Variants in KCNH7 observed in about 807,000 individuals in gnomAD.
KCNH7 encodes the protein potassium voltage-gated channel subfamily H member 7.
A neutral mutation model predicts 120.8 loss-of-function variants in KCNH7; 49 were observed. That is an observed-to-expected ratio of 0.41 (90% CI 0.32 to 0.51). KCNH7 has a LOEUF of 0.51. KCNH7 is among the 20% of genes least tolerant of loss of function. The pLI is 0.38. For synonymous variants in KCNH7, 547 were observed against 516.1 expected (o/e 1.06, Z -0.81); for missense variants, 1,097 against 1,446.6 (o/e 0.76, Z 3.92).
chr2:162,663,171 T>C (rs1285197934), intron 2 of KCNH7, among the ~76,000 whole-genome samples: 4 of 152,234 alleles, frequency 2.6e-5, no homozygotes, highest in Non-Finnish European at 5.9e-5. Flanking sequence ...TGCATTATTG[T>C]GAAGTGACAA....
At chr2:162,602,536 G>A (rs148574215) in intron 2 of KCNH7, among the ~76,000 whole-genome samples, 18 of 152,020 alleles carry the variant, frequency 1.2e-4, no homozygotes, top group South Asian at 2.1e-4. Context: ...CAAGTCCATC[G>A]CTGCCATCAC....
At chr2:162,616,726 G>A (rs1398286187) in intron 2 of KCNH7, among the ~76,000 whole-genome samples, 1 of 152,170 alleles carries the variant, frequency 6.6e-6, no homozygotes, top group Non-Finnish European at 1.5e-5. Context: ...AGTCATTAGA[G>A]TTTGCTTCCA....
intron 2 of KCNH7, among the ~76,000 whole-genome samples, chr2:162,545,092 A>G (rs1692433896): frequency 6.6e-6 from 1 of 152,056 alleles, no homozygotes; most frequent in African/African-American, 2.4e-5. Context: ...TTGAACTGAG[A>G]CCTGTCCTGC....
At chr2:162,487,525 C>A (rs183030421) in intron 6 of KCNH7, among the ~76,000 whole-genome samples, 11 of 152,070 alleles carry the variant, frequency 7.2e-5, no homozygotes, top group Admixed American at 6.6e-4. Flanking sequence ...TTCCATTGAT[C>A]AGGAAATTTT....
rs534441438 is a variant in KCNH7, at chr2:162,599,034, T to A, written c.308-61954A>T. ...ACTTTGGGAGGCCAAGGCGGGTGGA[T>A]CACTTGAGGTCAGGAGTTCAAGACC... On this transcript the variant is annotated intron_variant, in intron 2 of 15. Coordinates refer to ENST00000332142, the MANE Select transcript of KCNH7 (RefSeq NM_033272.4). 8.5e-5 allele frequency among the ~76,000 whole-genome samples: 13 copies of A among 152,082 alleles called. No individual in the cohort carries two copies. The South Asian group carries it at 1.5e-3, about 17-fold the overall frequency.
intron 2 of KCNH7, among the ~76,000 whole-genome samples, chr2:162,582,547 T>G (rs1693909174): frequency 6.6e-6 from 1 of 152,102 alleles, no homozygotes; most frequent in African/African-American, 2.4e-5. Flanking sequence ...CAATCTAATT[T>G]TTCATGACTC....
intron 2 of KCNH7, among the ~76,000 whole-genome samples, chr2:162,691,195 G>C (rs942676000): frequency 1.3e-5 from 2 of 152,150 alleles, no homozygotes; most frequent in African/African-American, 4.8e-5. Flanking sequence ...AAAGCATGTT[G>C]ATATGCCAAA....
chr2:162,396,119 A>G (rs1686906737), intron 11 of KCNH7, among the ~76,000 whole-genome samples: 2 of 151,786 alleles, frequency 1.3e-5, no homozygotes, highest in Non-Finnish European at 2.9e-5. Context: ...GAAAAGAGTA[A>G]GGAACATAAG....
intron 2 of KCNH7, among the ~76,000 whole-genome samples, chr2:162,637,473 G>A (rs934437626): frequency 1.3e-5 from 2 of 152,042 alleles, no homozygotes; most frequent in Non-Finnish European, 2.9e-5. Flanking sequence ...TGATATATTA[G>A]TCAAAGGATA....
At chr2:162,477,694 A>T (rs1024619180) in intron 6 of KCNH7, among the ~76,000 whole-genome samples, 3 of 152,204 alleles carry the variant, frequency 2.0e-5, no homozygotes, top group Non-Finnish European at 4.4e-5. Flanking sequence ...ATGAAATACT[A>T]TTCCCCTCTT....
At chr2:162,746,871 AG>A (rs1481032504) in intron 2 of KCNH7, among the ~76,000 whole-genome samples, 1 of 152,150 alleles carries the variant, frequency 6.6e-6, no homozygotes, top group African/African-American at 2.4e-5. Context: ...GAAATAAAAG[AG>A]GAAAAAAACC....
intron 2 of KCNH7, among the ~76,000 whole-genome samples, chr2:162,539,010 T>C (rs1253135732): frequency 6.6e-6 from 1 of 152,122 alleles, no homozygotes; most frequent in African/African-American, 2.4e-5. Flanking sequence ...TGTTGGAAAA[T>C]ATGCCTTAGG....
intron 2 of KCNH7, among the ~76,000 whole-genome samples, chr2:162,580,743 T>C (rs1472238389): frequency 6.6e-6 from 1 of 151,996 alleles, no homozygotes; most frequent in Non-Finnish European, 1.5e-5. Flanking sequence ...CTGGAGAACC[T>C]CTTTTAGCAG....
chr2:162,505,472 C>G (rs1574040100), intron 5 of KCNH7, among the ~76,000 whole-genome samples: 1 of 151,862 alleles, frequency 6.6e-6, no homozygotes, highest in African/African-American at 2.4e-5. Context: ...AGTACCTAGT[C>G]GCTTCTCAAA....
intron 5 of KCNH7, 55 bp from the exon 6 acceptor site, chr2:162,504,712 GAC>G (rs1690810584): frequency 8.6e-7 from 1 of 1,159,242 alleles, no homozygotes; most frequent in African/African-American, 1.5e-5. Flanking sequence ...AGAAGAAAGA[GAC>G]AGTTCTGAAT....
chr2:162,605,240 G>A (rs1232957049), intron 2 of KCNH7, among the ~76,000 whole-genome samples: 1 of 152,084 alleles, frequency 6.6e-6, no homozygotes, highest in East Asian at 1.9e-4. Context: ...GGAAATGAAT[G>A]AAGTTCAACA....
chr2:162,618,381 C>T (rs1663531422), intron 2 of KCNH7, among the ~76,000 whole-genome samples: 1 of 151,764 alleles, frequency 6.6e-6, no homozygotes, highest in Non-Finnish European at 1.5e-5. Context: ...AACATGGATC[C>T]TAAAGTATCA....
chr2:162,814,463 G>A (rs1684847499), intron 2 of KCNH7, among the ~76,000 whole-genome samples: 1 of 152,036 alleles, frequency 6.6e-6, no homozygotes, highest in African/African-American at 2.4e-5. Flanking sequence ...TCAAGTCTTC[G>A]CTTCTACTTC....
chr2:162,470,010 T>C (rs1309095611), intron 6 of KCNH7, among the ~76,000 whole-genome samples: 6 of 152,204 alleles, frequency 3.9e-5, no homozygotes, highest in Non-Finnish European at 1.5e-5. Flanking sequence ...CACTCAGTGC[T>C]CAATGGTGCC....
Sources: allele counts gnomAD v4.1 joint callset (sites outside exome capture counted in the v4.1 genomes callset), GRCh38; gene constraint gnomAD v4.1.1; transcripts MANE v1.5; gene names NCBI Gene and HGNC (gene_info 2026-07-23, HGNC 2026-07-21).